The following RANBP2 variants were observed in gnomAD, a reference collection of about 807,000 sequenced individuals.
RANBP2 encodes RAN binding protein 2, also known as E3 SUMO-protein ligase RanBP2.
A neutral mutation model predicts 303.6 loss-of-function variants in RANBP2; 57 were observed. That is an observed-to-expected ratio of 0.19 (90% confidence interval 0.15 to 0.23). The LOEUF (loss-of-function observed/expected upper bound fraction) is 0.23. Among genes scored for constraint, RANBP2 ranks in the 10% least tolerant of loss-of-function variants. RANBP2 has a pLI of 1.00. For missense variants in RANBP2, 3,138 were observed against 3,780.8 expected (o/e 0.83, Z 4.46); for synonymous variants, 1,167 against 1,301.5 (o/e 0.90, Z 2.23).
intron 23 of RANBP2, among the ~76,000 whole-genome samples, chr2:108,773,990 A>G (rs936137576): frequency 6.6e-6 from 1 of 152,324 alleles, no homozygotes; most frequent in African/African-American, 2.4e-5. Context: ...TAAAATTTCT[A>G]TGGTAAGAAA....
chr2:109,452,574 C>T, the RANBP2 span, among the ~76,000 whole-genome samples: 1 of 152,108 alleles, frequency 6.6e-6, no homozygotes, highest in South Asian at 2.1e-4. Context: ...TCCTGGGCGC[C>T]GTAGAGTAGG....
chr2:109,687,517 C>T, the RANBP2 span, among the ~76,000 whole-genome samples: 1 of 152,106 alleles, frequency 6.6e-6, no homozygotes, highest in Non-Finnish European at 1.5e-5. Flanking sequence ...GCCAATCTCG[C>T]ACCACAAGTT....
chr2:108,769,633 G>T (rs35014255), intron 20 of RANBP2, among the ~76,000 whole-genome samples: 2 of 152,038 alleles, frequency 1.3e-5, no homozygotes, highest in Non-Finnish European at 2.9e-5. Context: ...AGCCACTAAC[G>T]TCTGCCAGTA....
At chr2:108,909,281 G>A in the RANBP2 span, among the ~76,000 whole-genome samples, 1 of 152,198 alleles carries the variant, frequency 6.6e-6, no homozygotes, top group Non-Finnish European at 1.5e-5. Context: ...AGATAAGGCT[G>A]GGCTGGAGGC....
chr2:109,575,338 G>T, the RANBP2 span, among the ~76,000 whole-genome samples: 6 of 152,190 alleles, frequency 3.9e-5, no homozygotes, highest in African/African-American at 1.4e-4. Context: ...ATGACTCTTT[G>T]CCTCTTAGAT....
chr2:109,117,230 C>T, the RANBP2 span, among the ~76,000 whole-genome samples: 54 of 152,330 alleles, frequency 3.5e-4, 1 homozygote, highest in South Asian at 4.1e-3. Context: ...GTGCCCTGCC[C>T]CCAGAGGTGG....
the RANBP2 span, among the ~76,000 whole-genome samples, chr2:109,371,311 AC>A: frequency 6.6e-6 from 1 of 151,866 alleles, no homozygotes; most frequent in South Asian, 2.1e-4. Context: ...AATCGCTTGA[AC>A]CCCGGAGGCG....
chr2:109,709,370 T>TAAAATAAAATAAA, the RANBP2 span, among the ~76,000 whole-genome samples: 2 of 93,962 alleles, frequency 2.1e-5, no homozygotes, highest in Non-Finnish European at 5.4e-5. Flanking sequence ...AATAAAATAA[T>TAAAATAAAATAAA]AAAAATAACA....
the RANBP2 span, among the ~76,000 whole-genome samples, chr2:108,809,448 TTGTGTGTGTGTGTGTGTG>T: frequency 1.7e-4 from 24 of 141,138 alleles, no homozygotes; most frequent in African/African-American, 5.7e-4. Flanking sequence ...ACATGAAATG[TTGTGTGTGTGTGTGTGTG>T]TGTGTGTGTG....
the RANBP2 span, among the ~76,000 whole-genome samples, chr2:109,033,248 A>C: frequency 6.6e-6 from 1 of 152,098 alleles, no homozygotes; most frequent in East Asian, 1.9e-4. Flanking sequence ...CTGTGAGCTG[A>C]GATTTTGATT....
chr2:109,274,976 A>G, the RANBP2 span, among the ~76,000 whole-genome samples: 1 of 152,124 alleles, frequency 6.6e-6, no homozygotes, highest in Admixed American at 6.5e-5. Context: ...TGTTATATGA[A>G]TTTTGCATCA....
the RANBP2 span, among the ~76,000 whole-genome samples, chr2:109,437,887 C>CG: frequency 6.6e-6 from 1 of 152,142 alleles, no homozygotes. Flanking sequence ...GCCCATGCCA[C>CG]GGCGTCTTCC....
the RANBP2 span, among the ~76,000 whole-genome samples, chr2:109,678,611 T>C: frequency 6.6e-6 from 1 of 152,228 alleles, no homozygotes; most frequent in Non-Finnish European, 1.5e-5. Flanking sequence ...CCTTGAAATA[T>C]TTGCACTGAA....
chr2:109,687,476 T>C, the RANBP2 span, among the ~76,000 whole-genome samples: 1 of 152,150 alleles, frequency 6.6e-6, no homozygotes, highest in Non-Finnish European at 1.5e-5. Flanking sequence ...TAGAATGGGC[T>C]CTAGAATGAA....
At chr2:108,797,681 G>A in the RANBP2 span, among the ~76,000 whole-genome samples, 1 of 152,080 alleles carries the variant, frequency 6.6e-6, no homozygotes. Context: ...GGAAGGAGAA[G>A]CATGTATATA....
chr2:109,309,702 T>C, the RANBP2 span, among the ~76,000 whole-genome samples: 2 of 127,696 alleles, frequency 1.6e-5, no homozygotes, highest in Non-Finnish European at 3.1e-5. Context: ...GAGTCTCTGA[T>C]AAAACAGACT....
the RANBP2 span, among the ~76,000 whole-genome samples, chr2:108,833,559 A>G: frequency 2.6e-5 from 4 of 152,228 alleles, no homozygotes; most frequent in Admixed American, 2.6e-4. Flanking sequence ...TTTATAGTCC[A>G]TGACAAAGGT....
chr2:109,474,935 C>G, the RANBP2 span, among the ~76,000 whole-genome samples: 7 of 152,208 alleles, frequency 4.6e-5, no homozygotes, highest in Admixed American at 3.9e-4. Flanking sequence ...TAGCACCTTT[C>G]AGTGTTTTTT....
Position 108,765,760 on chromosome 2 carries a change from G to A in RANBP2, c.5221G>A (p.Ala1741Thr). Reference protein sequence around the residue: ...SVCLVRNEASATKCIACQCPS... With the variant: ...SVCLVRNEASTTKCIACQCPS... Reference sequence around the variant, plus strand: ...GTGCTTAGTAAGAAATGAAGCCAGTGCTACCAAATGTATTGCTTGTCAGTG... The same window carrying A: ...GTGCTTAGTAAGAAATGAAGCCAGTACTACCAAATGTATTGCTTGTCAGTG... Residue 1741 changes from alanine (A) to threonine (T), a missense_variant, in exon 20 of 29, where the codon GCT becomes ACT. By Grantham distance (58) the Ala-to-Thr change is moderately conservative. This residue lies in a region of RANBP2 where 348 missense variants were observed against 360.4 expected (regional missense o/e 0.97). Transcript: ENST00000283195. 6.2e-7 allele frequency: 1 copy of A among 1,613,866 alleles called. No homozygotes were observed. The highest frequency in any genetic ancestry group is 2.2e-5 in the East Asian group (1 of 44,860).
Sources: gnomAD v4.1 joint callset for allele counts (sites outside exome capture counted in the v4.1 genomes callset) on GRCh38, gnomAD v4.1.1 for gene constraint, gnomAD v4.1.1 regional missense constraint, MANE v1.5 for transcripts, NCBI Gene and HGNC (gene_info 2026-07-23, HGNC 2026-07-21) for gene names.